Variants in CAB39 observed in about 807,000 individuals in gnomAD.
CAB39 encodes calcium binding protein 39, also known as calcium-binding protein 39.
Under a neutral mutation model 40.0 loss-of-function variants are expected in CAB39, and 8 were observed. The observed-to-expected ratio is 0.20, with a 90% CI of 0.12 to 0.36. The LOEUF (loss-of-function observed/expected upper bound fraction) is 0.36. CAB39 is among the 10% of genes least tolerant of loss of function. The pLI, the probability that CAB39 is intolerant of heterozygous loss-of-function variation, is 1.00. For missense variants in CAB39, 270 were observed against 401.1 expected (o/e 0.67, Z 2.79); for synonymous variants, 156 against 141.6 (o/e 1.10, Z -0.72).
At chr2:230,726,820 T>A (rs1264415185) in intron 1 of CAB39, among the ~76,000 whole-genome samples, 2 of 151,658 alleles carry the variant, frequency 1.3e-5, no homozygotes, top group Non-Finnish European at 2.9e-5. Context: ...CTACAGAAGC[T>A]GAAAGGGAGG....
chr2:230,788,246 G>GT (rs201593174), intron 2 of CAB39, among the ~76,000 whole-genome samples: 23,758 of 136,618 alleles, frequency 0.17, 2,067 homozygotes, highest in Middle Eastern at 0.26. Flanking sequence ...TTGTTTTTCG[G>GT]TTTTTTTTTT....
At chr2:230,747,766 A>G (rs1215494479) in intron 1 of CAB39, among the ~76,000 whole-genome samples, 1 of 152,248 alleles carries the variant, frequency 6.6e-6, no homozygotes, top group Non-Finnish European at 1.5e-5. Flanking sequence ...GTGTATACAC[A>G]TAGGCTGTAG....
At chr2:230,789,700 A>G (rs1038826374) in intron 2 of CAB39, among the ~76,000 whole-genome samples, 1 of 152,112 alleles carries the variant, frequency 6.6e-6, no homozygotes, top group Non-Finnish European at 1.5e-5. Context: ...GGTCTCTGCC[A>G]TGCTCTTTCT....
At chr2:230,807,606 C>T (rs1038394062) in intron 5 of CAB39, among the ~76,000 whole-genome samples, 3 of 152,170 alleles carry the variant, frequency 2.0e-5, no homozygotes, top group African/African-American at 7.2e-5. Flanking sequence ...CATAGAATCT[C>T]CCCTACATGG....
At position 230,737,128 on chromosome 2, in the gene CAB39, A is replaced by G. The variant is rs571996912; in HGVS notation, c.-43-22831A>G. 1.5e-3 allele frequency among the ~76,000 whole-genome samples: 224 copies of G among 152,332 alleles called. 1 individual carries two copies. The highest frequency in any genetic ancestry group is 5.2e-3 in the African/African-American group (218 of 41,584). Reference sequence around the variant, plus strand: ...CTGCACCCAACATGCAGACATTTTTAATAGACACAGTTTTAAAGTAATTTT... The same window carrying G: ...CTGCACCCAACATGCAGACATTTTTGATAGACACAGTTTTAAAGTAATTTT... On this transcript the variant is annotated intron_variant, in intron 1 of 8. Transcript: ENST00000258418.
intron 7 of CAB39, among the ~76,000 whole-genome samples, chr2:230,815,672 G>C (rs1575966619): frequency 6.6e-6 from 1 of 152,116 alleles, no homozygotes; most frequent in African/African-American, 2.4e-5. Context: ...TTTGGATAAG[G>C]AGAAAGGCCT....
chr2:230,728,755 A>G (rs1694632403), intron 1 of CAB39, among the ~76,000 whole-genome samples: 2 of 152,180 alleles, frequency 1.3e-5, no homozygotes, highest in South Asian at 4.1e-4. Context: ...GGCTACAGGC[A>G]TGTGCCACCA....
chr2:230,776,073 C>G (rs1282072573), intron 2 of CAB39, among the ~76,000 whole-genome samples: 1 of 152,020 alleles, frequency 6.6e-6, no homozygotes, highest in Non-Finnish European at 1.5e-5. Flanking sequence ...CAACCTATGG[C>G]ATGTTCAGAA....
At chr2:230,741,816 A>G (rs1158345226) in intron 1 of CAB39, among the ~76,000 whole-genome samples, 1 of 152,210 alleles carries the variant, frequency 6.6e-6, no homozygotes, top group Non-Finnish European at 1.5e-5. Context: ...TTACCATATA[A>G]AGAATATATT....
chr2:230,809,865 C>T (rs73992906), intron 5 of CAB39, among the ~76,000 whole-genome samples: 9,004 of 152,182 alleles, frequency 0.059, 870 homozygotes, highest in African/African-American at 0.2. Flanking sequence ...CCACCGGGAG[C>T]GCTAAGTGGG....
chr2:230,743,840 AGTATGT>A (rs763176570), intron 1 of CAB39, among the ~76,000 whole-genome samples: 4 of 152,074 alleles, frequency 2.6e-5, no homozygotes, highest in Non-Finnish European at 5.9e-5. Context: ...AAATCAGGTA[AGTATGT>A]GTATGTGTGT....
At position 230,819,918 on chromosome 2, in the gene CAB39, T is replaced by C. The variant is rs957477743; in HGVS notation, c.*1214T>C. 2.0e-5 allele frequency: 3 copies of C among 152,670 alleles called. No homozygotes were observed. Among genetic ancestry groups the C allele is most frequent in the Non-Finnish European group, 4.4e-5 (3 of 68,036 alleles). 9.5% of individuals were successfully genotyped at this position (152,670 alleles called of 1,614,324 possible). On this transcript the variant is annotated 3_prime_UTR_variant, in exon 9 of 9. Coordinates refer to ENST00000258418, the MANE Select transcript of CAB39 (RefSeq NM_016289.4). ...TCTTAGACTAAGTAACCCAGTACAA[T>C]AGTTGTGAACTGAATAATTAAAACT...
intron 1 of CAB39, among the ~76,000 whole-genome samples, chr2:230,743,428 T>C (rs1204978424): frequency 6.6e-6 from 1 of 152,224 alleles, no homozygotes; most frequent in Non-Finnish European, 1.5e-5. Flanking sequence ...AGAGTTGTGT[T>C]AGTCTGACAG....
At chr2:230,744,785 G>C (rs1694944641) in intron 1 of CAB39, among the ~76,000 whole-genome samples, 1 of 152,196 alleles carries the variant, frequency 6.6e-6, no homozygotes, top group South Asian at 2.1e-4. Flanking sequence ...TTTGACAATA[G>C]TAGTATGAGT....
At chr2:230,797,205 ATATTTT>A (rs1478857539) in intron 4 of CAB39, among the ~76,000 whole-genome samples, 1 of 152,232 alleles carries the variant, frequency 6.6e-6, no homozygotes. Context: ...AATCAGAAAA[ATATTTT>A]TAAAAGCCTT....
Position 230,818,613 on chromosome 2 carries a change from A to G in CAB39, c.935A>G (p.Asp312Gly). 1 of 1,614,230 alleles carries G rather than the reference A, an allele frequency of 6.2e-7. No individual in the cohort carries two copies. The highest frequency in any genetic ancestry group is 8.5e-7 in the Non-Finnish European group (1 of 1,180,012). The change falls in exon 9 of 9, where the codon GAC becomes GGC. Residue 312 changes from aspartate to glycine, a missense_variant. Physicochemically the swap from Asp to Gly is moderately conservative, Grantham distance 94. Coordinates refer to ENST00000258418, the MANE Select transcript of CAB39 (RefSeq NM_016289.4). Reference protein sequence around the residue: ...LIEFLSKFQNDRTEDEQFNDE... With the variant: ...LIEFLSKFQNGRTEDEQFNDE... ...GAGTTCCTCAGCAAGTTTCAGAACG[A>G]CAGGACGGAGGATGAGCAGTTTAAC...
At chr2:230,754,922 G>C (rs571372645) in intron 1 of CAB39, among the ~76,000 whole-genome samples, 1 of 152,304 alleles carries the variant, frequency 6.6e-6, no homozygotes, top group African/African-American at 2.4e-5. Flanking sequence ...CCACATGTCA[G>C]TGAGAACATT....
chr2:230,752,141 G>T (rs1408368239), intron 1 of CAB39: 3 of 144,178 alleles, frequency 2.1e-5, no homozygotes, highest in Non-Finnish European at 4.5e-5. Context: ...GATGATTTTG[G>T]TGCTCGCTTT....
chr2:230,764,448 A>G (rs556636019), intron 2 of CAB39, among the ~76,000 whole-genome samples: 3 of 152,146 alleles, frequency 2.0e-5, no homozygotes, highest in East Asian at 3.8e-4. Context: ...AATATTTTCA[A>G]CTTTTGATGG....
Sources: allele counts gnomAD v4.1 joint callset (sites outside exome capture counted in the v4.1 genomes callset), GRCh38; gene constraint gnomAD v4.1.1; transcripts MANE v1.5; gene names NCBI Gene and HGNC (gene_info 2026-07-23, HGNC 2026-07-21).